The following CNTN5 variants were observed in gnomAD, a reference collection of about 807,000 sequenced individuals.
The protein encoded by CNTN5 is contactin 5.
In CNTN5, 77 loss-of-function variants were observed where a neutral mutation model predicts 129.1. The observed-to-expected ratio is 0.60, with a 90% confidence interval of 0.50 to 0.72. The LOEUF (loss-of-function observed/expected upper bound fraction) is 0.72. Ranked by LOEUF, CNTN5 falls within the 30% of genes least tolerant of loss-of-function variation. The probability of loss-of-function intolerance (pLI) is 0.00; values close to 1 mark genes in which losing one functional copy is unlikely to be tolerated. For missense variants in CNTN5, 1,478 were observed against 1,328.8 expected (o/e 1.11, Z -1.75); for synonymous variants, 509 against 465.6 (o/e 1.09, Z -1.20).
chr11:99,057,829 T>C (rs1444765178), intron 1 of CNTN5, among the ~76,000 whole-genome samples: 2 of 149,740 alleles, frequency 1.3e-5, no homozygotes, highest in African/African-American at 4.9e-5. Flanking sequence ...TGGTCATAAA[T>C]GCTGAAGTAG....
intron 21 of CNTN5, among the ~76,000 whole-genome samples, chr11:100,334,707 A>C (rs1951991636): frequency 6.6e-6 from 1 of 152,170 alleles, no homozygotes. Flanking sequence ...GTATGTTCTC[A>C]CTCATATACG....
chr11:100,280,148 G>A (rs1296404078), intron 18 of CNTN5, among the ~76,000 whole-genome samples: 2 of 151,788 alleles, frequency 1.3e-5, no homozygotes, highest in African/African-American at 4.8e-5. Context: ...GGAAAAGAAT[G>A]TGTATTCAGT....
At chr11:100,195,454 C>T (rs1419185685) in intron 15 of CNTN5, among the ~76,000 whole-genome samples, 2 of 151,870 alleles carry the variant, frequency 1.3e-5, no homozygotes, top group Non-Finnish European at 2.9e-5. Flanking sequence ...CAGTTAAGAA[C>T]ATCTGCTGTA....
At chr11:100,001,926 A>G (rs1939899284) in intron 8 of CNTN5, 108 bp from the exon 9 acceptor site, 1 of 757,060 alleles carries the variant, frequency 1.3e-6, no homozygotes, top group South Asian at 1.8e-5. Context: ...CAGTCATCAA[A>G]CAGACATTAA....
At chr11:99,159,654 T>A (rs1330499231) in intron 1 of CNTN5, among the ~76,000 whole-genome samples, 1 of 152,076 alleles carries the variant, frequency 6.6e-6, no homozygotes, top group Non-Finnish European at 1.5e-5. Flanking sequence ...TAAAGTATAG[T>A]AATCTAAAAA....
chr11:99,021,649 G>C (rs1252587459), intron 1 of CNTN5, among the ~76,000 whole-genome samples: 3 of 152,186 alleles, frequency 2.0e-5, no homozygotes. Flanking sequence ...GCCGTTCTCA[G>C]GTACTGAATG....
chr11:99,985,345 G>GGCAT (rs1938610487), intron 8 of CNTN5, among the ~76,000 whole-genome samples: 1 of 152,108 alleles, frequency 6.6e-6, no homozygotes, highest in South Asian at 2.1e-4. Context: ...CAGGCAGGCA[G>GGCAT]TCTCCCCACA....
At chr11:99,829,431 A>G (rs1947068026) in intron 4 of CNTN5, among the ~76,000 whole-genome samples, 1 of 152,202 alleles carries the variant, frequency 6.6e-6, no homozygotes, top group African/African-American at 2.4e-5. Flanking sequence ...AAGGCACAGT[A>G]GTCAGTCACT....
At chr11:99,877,768 A>G (rs1228354352) in intron 6 of CNTN5, among the ~76,000 whole-genome samples, 1 of 152,220 alleles carries the variant, frequency 6.6e-6, no homozygotes, top group Non-Finnish European at 1.5e-5. Flanking sequence ...TTTCAATCAT[A>G]TGTTAAGCTT....
At chr11:99,305,036 T>C (rs760511951) in intron 1 of CNTN5, among the ~76,000 whole-genome samples, 2 of 152,166 alleles carry the variant, frequency 1.3e-5, no homozygotes, top group Non-Finnish European at 2.9e-5. Flanking sequence ...CAGTAACCCT[T>C]AAGAATACCC....
At chr11:100,223,149 A>C (rs1949300556) in intron 15 of CNTN5, among the ~76,000 whole-genome samples, 1 of 152,164 alleles carries the variant, frequency 6.6e-6, no homozygotes, top group African/African-American at 2.4e-5. Flanking sequence ...TTACTGGACA[A>C]ATATCACATT....
chr11:100,132,727 A>G (rs1354827849), intron 13 of CNTN5, among the ~76,000 whole-genome samples: 1 of 152,154 alleles, frequency 6.6e-6, no homozygotes, highest in Non-Finnish European at 1.5e-5. Flanking sequence ...CGTATTTTTT[A>G]GAACTGAAAC....
At chr11:100,278,867 A>G (rs1337571865) in intron 18 of CNTN5, among the ~76,000 whole-genome samples, 1 of 151,904 alleles carries the variant, frequency 6.6e-6, no homozygotes, top group Non-Finnish European at 1.5e-5. Context: ...GAAACTGGGC[A>G]TTCTTGTCAT....
intron 1 of CNTN5, among the ~76,000 whole-genome samples, chr11:99,051,595 C>T (rs1025074828): frequency 6.6e-6 from 1 of 151,808 alleles, no homozygotes; most frequent in Non-Finnish European, 1.5e-5. Flanking sequence ...TTACCCACTG[C>T]GTTGAGAGCA....
At chr11:99,366,260 C>A (rs960894561) in intron 2 of CNTN5, among the ~76,000 whole-genome samples, 5 of 150,882 alleles carry the variant, frequency 3.3e-5, no homozygotes, top group African/African-American at 1.2e-4. Flanking sequence ...GTGATTTCCA[C>A]ATGTGGTTAA....
At chr11:99,930,463 C>A (rs977294626) in intron 7 of CNTN5, among the ~76,000 whole-genome samples, 1 of 152,090 alleles carries the variant, frequency 6.6e-6, no homozygotes, top group Non-Finnish European at 1.5e-5. Context: ...TCCTTCCCCT[C>A]GTGCCAGTCT....
chr11:99,774,117 T>A (rs1361474822), intron 3 of CNTN5, among the ~76,000 whole-genome samples: 1 of 152,042 alleles, frequency 6.6e-6, no homozygotes, highest in Non-Finnish European at 1.5e-5. Flanking sequence ...TTTTCCAAGT[T>A]CTAGAATGGT....
At chr11:99,380,635 G>A (rs1940486632) in intron 2 of CNTN5, among the ~76,000 whole-genome samples, 2 of 151,784 alleles carry the variant, frequency 1.3e-5, no homozygotes, top group African/African-American at 4.8e-5. Context: ...TGGGCGTTGT[G>A]GTGTGCTCCT....
In CNTN5 at chr11:99,853,420, A is replaced by G. The variant is rs111331550; in HGVS notation, c.577+8158A>G. ...ATTTGTATATATATATTTTTTTGAG[A>G]CGGAGTTTTACTCTTGTTACCGAGG... is the stretch of plus-strand genomic sequence containing the variant. On this transcript the variant is annotated intron_variant, in intron 6 of 24. Coordinates refer to ENST00000524871, the MANE Select transcript of CNTN5 (RefSeq NM_014361.4). Among the ~76,000 whole-genome samples, 668 of 151,692 alleles carry G rather than the reference A, an allele frequency of 4.4e-3. 8 individuals carry two copies. Among genetic ancestry groups the G allele is most frequent in the African/African-American group, 0.015 (626 of 41,394 alleles).
Sources: gnomAD v4.1 joint callset for allele counts (sites outside exome capture counted in the v4.1 genomes callset) on GRCh38, gnomAD v4.1.1 for gene constraint, MANE v1.5 for transcripts, NCBI Gene and HGNC (gene_info 2026-07-23, HGNC 2026-07-21) for gene names.